The following SCML2 variants were observed in gnomAD, a reference collection of about 807,000 sequenced individuals.
SCML2 encodes the protein sex comb on midleg-like protein 2.
SCML2 carries 6 observed loss-of-function variants against 48.4 expected under a neutral mutation model. That is an observed-to-expected ratio of 0.12 (90% CI 0.07 to 0.24). The LOEUF is 0.24. SCML2 is among the 10% of genes least tolerant of loss of function. The pLI, the probability that SCML2 is intolerant of heterozygous loss-of-function variation, is 1.00. For synonymous variants in SCML2, 181 were observed against 189.5 expected (o/e 0.95, Z 0.37); for missense variants, 377 against 528.2 (o/e 0.71, Z 2.81).
At chrX:18,270,605 TAAAAAGG>T (rs1229036501) in intron 7 of SCML2, among the ~76,000 whole-genome samples, 1 of 110,696 alleles carries the variant, frequency 9.0e-6, no homozygotes, top group East Asian at 2.8e-4. Context: ...CCGATTCAAC[TAAAAAGG>T]AAAGAGTAAC....
chrX:18,269,839 G>A (rs1276568108), intron 7 of SCML2, among the ~76,000 whole-genome samples: 1 of 110,722 alleles, frequency 9.0e-6, no homozygotes, highest in African/African-American at 3.3e-5. Flanking sequence ...GTAGCAAATA[G>A]TAACTTTACA....
rs1239048069 is a variant in SCML2, at chrX:18,312,972, G to GGT, written c.486+7358_486+7359dup. Among the ~76,000 whole-genome samples the GGT allele has an allele frequency of 1.8e-4, 17 of 92,550 alleles. No homozygotes were observed. In the East Asian group the frequency reaches 5.4e-3, roughly 29 times the overall value. The allele number at this position is 92,550 out of a possible 115,157, so 80.4% of individuals were successfully genotyped here. On this transcript the variant is annotated intron_variant, in intron 6 of 14. Transcript: ENST00000251900. Reference sequence around the variant, plus strand: ...ACTACTGACGTTTGGAGCCAGAATGGGTGTGCGTGTGTGTGTGTGTGTGTG... The same window carrying GGT: ...ACTACTGACGTTTGGAGCCAGAATGGGTGTGTGCGTGTGTGTGTGTGTGTGTG...
At chrX:18,338,026 A>C (rs1013466517) in intron 1 of SCML2, among the ~76,000 whole-genome samples, 1 of 112,742 alleles carries the variant, frequency 8.9e-6, no homozygotes, top group Admixed American at 9.4e-5. Context: ...GTCAAAGAAG[A>C]AAGCTCAAGA....
Position 18,240,225 on chromosome X carries a change from T to C in SCML2, c.*1026A>G, listed in dbSNP as rs1331452284. The stretch of plus-strand genomic sequence containing the variant: ...TTTACGAAATCAAAACATCTAACTA[T>C]ATACATAGTTCATCGTCACCTCTGT... On this transcript the variant is annotated 3_prime_UTR_variant, in exon 15 of 15. Coordinates refer to ENST00000251900, the MANE Select transcript of SCML2 (RefSeq NM_006089.3). 8.9e-6 allele frequency: 1 copy of C among 111,764 alleles called. No individual in the cohort carries two copies. Among genetic ancestry groups the C allele is most frequent in the African/African-American group, 3.3e-5 (1 of 30,654 alleles). The allele number at this position is 111,764 out of a possible 1,213,427, so 9.2% of individuals were successfully genotyped here. A position where few individuals can be genotyped will look rare whatever the true frequency, so the allele number is the denominator to read the frequency against.
At chrX:18,343,271 CAT>C (rs1233330704) in intron 1 of SCML2, among the ~76,000 whole-genome samples, 10 of 105,414 alleles carry the variant, frequency 9.5e-5, no homozygotes, top group African/African-American at 3.5e-4. Context: ...TAAGGGTAAA[CAT>C]TTTGACAAGG....
chrX:18,315,605 T>C (rs777109127), intron 6 of SCML2, among the ~76,000 whole-genome samples: 1 of 111,231 alleles, frequency 9.0e-6, no homozygotes, highest in East Asian at 2.8e-4. Context: ...GGGGCTCTCA[T>C]GTACACACGC....
chrX:18,347,381 G>T (rs1295395396), intron 1 of SCML2, among the ~76,000 whole-genome samples: 1 of 108,526 alleles, frequency 9.2e-6, no homozygotes, highest in Non-Finnish European at 1.9e-5. Context: ...GGAGGGGGAG[G>T]TTGCAGTGAG....
chrX:18,347,785 TA>T (rs1207708485), intron 1 of SCML2, among the ~76,000 whole-genome samples: 1 of 96,689 alleles, frequency 1.0e-5, no homozygotes, highest in Non-Finnish European at 2.1e-5. Context: ...CTGAAATCTG[TA>T]AAAAAAAATC....
chrX:18,324,198 C>A lies in SCML2; in HGVS notation c.163-105G>T, dbSNP rs181989756. 167 of 510,773 alleles carry A rather than the reference C, an allele frequency of 3.3e-4. No individual in the cohort carries two copies. The African/African-American group carries it at 3.4e-3, about 10-fold the overall frequency. The allele number at this position is 510,773 out of a possible 1,213,427, so 42.1% of individuals were successfully genotyped here. A position where few individuals can be genotyped will look rare whatever the true frequency, so the allele number is the denominator to read the frequency against. The stretch of plus-strand genomic sequence containing the variant: ...TGAGGAACATTTTAAATAACAGTCA[C>A]AGTGGATGATGAGTGAGGTCAGAGC... On this transcript the variant is annotated intron_variant, in intron 4 of 14. Transcript: ENST00000251900.
In SCML2 at chrX:18,299,223, G is replaced by A. The variant is rs758001832; in HGVS notation, c.730+5749C>T. 4.5e-5 allele frequency among the ~76,000 whole-genome samples: 5 copies of A among 111,793 alleles called. No homozygotes were observed. In the South Asian group the frequency reaches 1.9e-3, roughly 42 times the overall value. The stretch of plus-strand genomic sequence containing the variant: ...ACTAATAATCCCTTAATTAAAAAGT[G>A]GACAAAGGGGCTGGGCAAGGTGGCT... On this transcript the variant is annotated intron_variant, in intron 7 of 14. Transcript: ENST00000251900.
At chrX:18,280,416 A>C (rs1368313203) in intron 7 of SCML2, among the ~76,000 whole-genome samples, 1 of 112,235 alleles carries the variant, frequency 8.9e-6, no homozygotes, top group Admixed American at 9.5e-5. Context: ...AACCCATTTA[A>C]GCACATAGCC....
chrX:18,351,508 G>A (rs1340831695), intron 1 of SCML2, among the ~76,000 whole-genome samples: 2 of 109,866 alleles, frequency 1.8e-5, no homozygotes, highest in Non-Finnish European at 3.8e-5. Context: ...AGCTGGCAGA[G>A]CCCACTTTGT....
intron 2 of SCML2, 34 bp from the exon 3 acceptor site, chrX:18,330,689 C>T (rs1393162880): frequency 1.1e-6 from 1 of 881,266 alleles, no homozygotes; most frequent in Non-Finnish European, 1.6e-6. Context: ...ACTGGGAGTC[C>T]ACAGCAACAG....
intron 5 of SCML2, among the ~76,000 whole-genome samples, chrX:18,321,198 T>C (rs1452286285): frequency 8.9e-6 from 1 of 112,038 alleles, no homozygotes; most frequent in Non-Finnish European, 1.9e-5. Flanking sequence ...TTTAGCAATC[T>C]TAATACATAC....
chrX:18,288,069 T>C (rs1460555006), intron 7 of SCML2, among the ~76,000 whole-genome samples: 23 of 111,753 alleles, frequency 2.1e-4, no homozygotes, highest in Non-Finnish European at 2.4e-4. Flanking sequence ...TCAGTTGTTT[T>C]AGGTCAATTC....
chrX:18,338,281 T>C (rs1929897740), intron 1 of SCML2, among the ~76,000 whole-genome samples: 1 of 108,036 alleles, frequency 9.3e-6, no homozygotes, highest in Non-Finnish European at 1.9e-5. Context: ...CCATCTCTAC[T>C]AAAAATTCAA....
At chrX:18,331,947 T>C (rs765957441) in intron 2 of SCML2, among the ~76,000 whole-genome samples, 85 of 112,265 alleles carry the variant, frequency 7.6e-4, no homozygotes, top group African/African-American at 2.6e-3. Flanking sequence ...ATTGGCTTTT[T>C]GGTGGGAGAG....
intron 7 of SCML2, among the ~76,000 whole-genome samples, chrX:18,268,235 A>G (rs1209774340): frequency 1.8e-5 from 2 of 112,689 alleles, no homozygotes. Flanking sequence ...AAACTTAAAA[A>G]TCCCATTTCT....
At chrX:18,334,978 A>G (rs761647386) in intron 1 of SCML2, among the ~76,000 whole-genome samples, 70 of 107,295 alleles carry the variant, frequency 6.5e-4, no homozygotes, top group Non-Finnish European at 1.3e-3. Context: ...TTGGGAGGCC[A>G]AGGCGGGTGG....
Sources: gnomAD v4.1 joint callset for allele counts (sites outside exome capture counted in the v4.1 genomes callset) on GRCh38, gnomAD v4.1.1 for gene constraint, MANE v1.5 for transcripts, NCBI Gene and HGNC (gene_info 2026-07-23, HGNC 2026-07-21) for gene names.